The following BAG6 variants were observed in gnomAD, a reference collection of about 807,000 sequenced individuals.
BAG6 encodes the protein large proline-rich protein BAG6.
A neutral mutation model predicts 121.0 loss-of-function variants in BAG6; 22 were observed. The ratio of observed to expected loss-of-function variants is 0.18; its 90% CI spans 0.13 to 0.26. The LOEUF is 0.26. Among genes scored for constraint, BAG6 ranks in the 10% least tolerant of loss-of-function variants. BAG6 has a pLI of 1.00. For synonymous variants in BAG6, 583 were observed against 584.6 expected (o/e 1.00, Z 0.04); for missense variants, 1,233 against 1,537.7 (o/e 0.80, Z 3.31).
Position 31,644,440 on chromosome 6 carries a change from T to C in BAG6, c.1448-26A>G. On this transcript the variant is annotated intron_variant, in intron 11 of 25. Transcript: ENST00000676615. This position sits in a 1 kb window ranked among gnomAD's most constrained non-coding sequence, Gnocchi z 4.9. ...CTGGGGGGCGGGTCTGATGTAACCT[T>C]GAACCTGGACCCCTTCAACCCACCC... The C allele has an allele frequency of 6.4e-7, 1 of 1,552,716 alleles. No individual in the cohort carries two copies. Among genetic ancestry groups the C allele is most frequent in the Admixed American group, 1.9e-5 (1 of 51,592 alleles).
Position 31,645,403 on chromosome 6 carries a change from C to T in BAG6, c.1116+4G>A. On this transcript the variant is annotated splice_donor_region_variant and intron_variant, in intron 9 of 25. Transcript: ENST00000676615. ...TCCCTCAGGCCAGACTCCCCCTAAC[C>T]CACCTGTATGGGAATGGCTGCCTGC... 1 of 1,613,094 alleles carries T rather than the reference C, an allele frequency of 6.2e-7. No homozygotes were observed. Among genetic ancestry groups the T allele is most frequent in the Non-Finnish European group, 8.5e-7 (1 of 1,180,038 alleles).
chr6:31,648,576 G>T, intron 6 of BAG6, 101 bp downstream of exon 6: 1 of 1,187,892 alleles, frequency 8.4e-7, no homozygotes, highest in Non-Finnish European at 1.2e-6. Flanking sequence ...GATTATGAAG[G>T]CCAAACCCTG....
intron 16 of BAG6, 72 bp downstream of exon 16, chr6:31,642,040 C>G (rs1353365453): frequency 6.3e-7 from 1 of 1,594,280 alleles, no homozygotes; most frequent in Non-Finnish European, 8.6e-7. Flanking sequence ...TGGCAACACC[C>G]CTAAACCAAG....
intron 14 of BAG6, 146 bp downstream of exon 14, chr6:31,643,744 A>AAAAAAAAAAAAAAAAC (rs1785496696): frequency 1.7e-6 from 1 of 599,470 alleles, no homozygotes; most frequent in Admixed American, 3.5e-5. Flanking sequence ...AAAAAAAAAA[A>AAAAAAAAAAAAAAAAC]AAGCTGAAAC....
intron 6 of BAG6, 149 bp from the exon 7 acceptor site, chr6:31,647,975 CAT>C: frequency 9.6e-7 from 1 of 1,037,338 alleles, no homozygotes; most frequent in Non-Finnish European, 1.3e-6. Context: ...TAGCAACTAG[CAT>C]AAGACTGACA....
chr6:31,649,419 A>G (rs1055814879), intron 3 of BAG6, 24 bp from the exon 4 acceptor site: 2 of 1,605,938 alleles, frequency 1.2e-6, no homozygotes, highest in Non-Finnish European at 8.5e-7. Context: ...GACACACACC[A>G]AAACATAGTA....
chr6:31,639,264 C>T lies in BAG6; in HGVS notation c.3394-38G>A, dbSNP rs1779716636. On this transcript the variant is annotated intron_variant, in intron 25 of 25. Transcript: ENST00000676615. ...AGTAAGCAGGTTGGAGAAACGCTGG[C>T]CAAGTCCCCATGATCCCAGCAAGCA... is the stretch of plus-strand genomic sequence containing the variant. The T allele has an allele frequency of 1.9e-6, 3 of 1,580,418 alleles. No individual in the cohort carries two copies. In the East Asian group the frequency reaches 6.8e-5, roughly 36 times the overall value.
Position 31,649,639 on chromosome 6 carries a change from A to G in BAG6, c.109-12T>C. 1 of 1,602,706 alleles carries G rather than the reference A, an allele frequency of 6.2e-7. No homozygotes were observed. The highest frequency in any genetic ancestry group is 8.5e-7 in the Non-Finnish European group (1 of 1,169,756). On this transcript the variant is annotated splice_polypyrimidine_tract_variant and intron_variant, in intron 2 of 25. Coordinates refer to ENST00000676615, the MANE Select transcript of BAG6 (RefSeq NM_001387994.1). ...TCTTTTACATTCATCTGAAAAGAAG[A>G]GGCATGCACAGGAATGGAAAGAATG...
At chr6:31,647,529 T>G in intron 7 of BAG6, 62 bp downstream of exon 7, 1 of 1,594,562 alleles carries the variant, frequency 6.3e-7, no homozygotes. Context: ...CATGGTTCAT[T>G]TCCTTCTCCC....
Position 31,649,354 on chromosome 6 carries a change from G to A in BAG6, c.268C>T (p.Pro90Ser). ...KVIHLVERAP[P>S]QTHLPSGASS... ...GCCCCAGAAGGGAGGTGAGTCTGAGGAGGAGCCCGTTCCACCAGGTGGATA... is the reference window on the plus strand; with the variant it reads ...GCCCCAGAAGGGAGGTGAGTCTGAGAAGGAGCCCGTTCCACCAGGTGGATA... Residue 90 changes from proline to serine, a missense_variant, in exon 4 of 26, where the codon CCT (proline) becomes TCT (serine). This residue lies in a region of BAG6 where 777 missense variants were observed against 861.4 expected (regional missense o/e 0.90). Transcript: ENST00000676615. The A allele has an allele frequency of 1.9e-6, 3 of 1,611,354 alleles. No individual in the cohort carries two copies. Among genetic ancestry groups the A allele is most frequent in the Non-Finnish European group, 2.5e-6 (3 of 1,178,810 alleles).
chr6:31,640,851 T>G lies in BAG6; in HGVS notation c.2875A>C (p.Met959Leu). ...GLRLQVVLEH[M>L]PVGPDAILRY... Reference sequence around the variant, plus strand: ...AGAATGGCATCAGGGCCTACAGGCATGTGCTCCAGTACCACCTGAAGCCTC... The same window carrying G: ...AGAATGGCATCAGGGCCTACAGGCAGGTGCTCCAGTACCACCTGAAGCCTC... Residue 959 changes from methionine to leucine, a missense_variant, in exon 21 of 26, where the codon ATG becomes CTG. By Grantham distance (15) the Met-to-Leu change is conservative. Transcript: ENST00000676615. The surrounding 1 kb of genome is among the most constrained non-coding windows in gnomAD (Gnocchi z 4.2). The G allele has an allele frequency of 4.3e-6, 7 of 1,612,634 alleles. No individual in the cohort carries two copies. Among genetic ancestry groups the G allele is most frequent in the Non-Finnish European group, 5.9e-6 (7 of 1,180,002 alleles).
chr6:31,641,222 C>T lies in BAG6; in HGVS notation c.2669G>A (p.Gly890Glu). The change falls in exon 20 of 26, where the codon GGA (glycine) becomes GAA (glutamate). Residue 890 changes from glycine (G) to glutamate (E), a missense_variant. Gly to Glu is a moderately conservative substitution (Grantham distance 98). Around this residue, in one of 7 missense-constraint regions of BAG6, gnomAD observed 288 missense variants for 483.1 expected, o/e 0.60. Transcript: ENST00000676615. This position sits in a 1 kb window ranked among gnomAD's most constrained non-coding sequence, Gnocchi z 5.7. ...CAACTCCAGCAACCGGGCCCCAAATCCACTATCTGTGGGCAAAATACAAGG... is the reference window on the plus strand; with the variant it reads ...CAACTCCAGCAACCGGGCCCCAAATTCACTATCTGTGGGCAAAATACAAGG... ...AAHVLHCTDS[G>E]FGARLLELCN... The T allele has an allele frequency of 6.2e-7, 1 of 1,614,162 alleles. No individual in the cohort carries two copies. The highest frequency in any genetic ancestry group is 8.5e-7 in the Non-Finnish European group (1 of 1,180,036).
In BAG6 at chr6:31,640,503, C is replaced by G. The variant is rs1303522885; in HGVS notation, c.3020G>C (p.Gly1007Ala). 6.2e-7 allele frequency: 1 copy of G among 1,613,030 alleles called. No individual in the cohort carries two copies. The highest frequency in any genetic ancestry group is 2.2e-5 in the East Asian group (1 of 44,890). Reference protein sequence around the residue: ...PQRENASPAPGTTAEEAMSRG... With the variant: ...PQRENASPAPATTAEEAMSRG... Reference sequence around the variant, plus strand: ...GGACATGGCCTCTTCTGCTGTTGTTCCAGGGGCTGGGGAAGCATTCTCCCG... The same window carrying G: ...GGACATGGCCTCTTCTGCTGTTGTTGCAGGGGCTGGGGAAGCATTCTCCCG... Residue 1007 changes from glycine to alanine, a missense_variant, in exon 23 of 26, where the codon GGA (glycine) becomes GCA (alanine). Physicochemically the swap from Gly to Ala is moderately conservative, Grantham distance 60. Coordinates refer to ENST00000676615, the MANE Select transcript of BAG6 (RefSeq NM_001387994.1). The surrounding 1 kb of genome is among the most constrained non-coding windows in gnomAD (Gnocchi z 4.2).
rs1023727532 is a variant in BAG6, at chr6:31,640,016, G to A, written c.3246+183C>T. Reference sequence around the variant, plus strand: ...CAGGACTGCTAGCAAACAGACTAAGGTCAAGTCCTGTATGGTTATGCAACA... The same window carrying A: ...CAGGACTGCTAGCAAACAGACTAAGATCAAGTCCTGTATGGTTATGCAACA... On this transcript the variant is annotated intron_variant, in intron 24 of 25. Coordinates refer to ENST00000676615, the MANE Select transcript of BAG6 (RefSeq NM_001387994.1). This position sits in a 1 kb window ranked among gnomAD's most constrained non-coding sequence, Gnocchi z 4.2. Among the ~76,000 whole-genome samples, 5 of 152,158 alleles carry A rather than the reference G, an allele frequency of 3.3e-5. No homozygotes were observed. The highest frequency in any genetic ancestry group is 1.2e-4 in the African/African-American group (5 of 41,428).
At chr6:31,648,328 A>G (rs1045230349) in intron 6 of BAG6, among the ~76,000 whole-genome samples, 1 of 152,150 alleles carries the variant, frequency 6.6e-6, no homozygotes, top group African/African-American at 2.4e-5. Context: ...AGCATCTGTA[A>G]TATTTGTAAA....
chr6:31,646,043 T>A (rs531706761), intron 8 of BAG6, among the ~76,000 whole-genome samples: 1 of 152,298 alleles, frequency 6.6e-6, no homozygotes, highest in East Asian at 1.9e-4. Flanking sequence ...TAGAGTGCAG[T>A]AGTGCAATCT....
chr6:31,640,165 TAGAG>T lies in BAG6; in HGVS notation c.3246+30_3246+33del, dbSNP rs202172137. On this transcript the variant is annotated intron_variant, in intron 24 of 25. Transcript: ENST00000676615. This position sits in a 1 kb window ranked among gnomAD's most constrained non-coding sequence, Gnocchi z 4.2. Reference sequence around the variant, plus strand: ...TCCAGGCATGACGGGGAAACCTGGATAGAGAGAGAGGCTTAGGGAAGAGGAAAAC... The same window carrying T: ...TCCAGGCATGACGGGGAAACCTGGATAGAGAGGCTTAGGGAAGAGGAAAAC... 1.9e-6 allele frequency: 3 copies of T among 1,597,794 alleles called. No individual in the cohort carries two copies. Among genetic ancestry groups the T allele is most frequent in the Admixed American group, 3.3e-5 (2 of 59,956 alleles).
In BAG6 at chr6:31,639,587, C is replaced by G. The variant is rs761939891; in HGVS notation, c.3306G>C (p.Lys1102Asn). ...TCGTCAGGGGCCGAGCTCCGGCTGC[C>G]TTAGCTGCCCGGCTCACAGCCTCTG... ...LLSEAVSRAA[K>N]AAGARPLTSP... The change falls in exon 25 of 26, where the codon AAG (lysine) becomes AAC (asparagine). Residue 1102 changes from lysine to asparagine, a missense_variant. Physicochemically the swap from Lys to Asn is moderately conservative, Grantham distance 94. This residue lies in a region of BAG6 where 102 missense variants were observed against 103.2 expected (regional missense o/e 0.99). Transcript: ENST00000676615. 2 of 1,614,084 alleles carry G rather than the reference C, an allele frequency of 1.2e-6. No homozygotes were observed. Among genetic ancestry groups the G allele is most frequent in the East Asian group, 4.5e-5 (2 of 44,886 alleles).
In BAG6 at chr6:31,645,569, G is replaced by A. The variant is rs991860844; in HGVS notation, c.954C>T (p.Asn318=). 2 of 1,613,128 alleles carry A rather than the reference G, an allele frequency of 1.2e-6. No homozygotes were observed. Among genetic ancestry groups the A allele is most frequent in the Non-Finnish European group, 1.7e-6 (2 of 1,180,040 alleles). ...EGREEDQRLI[N]LVGESLRLLG... Reference sequence around the variant, plus strand: ...GCAGTCGCAGGCTCTCCCCTACCAAGTTGATCAACCGCTGATCCTCCTCCC... The same window carrying A: ...GCAGTCGCAGGCTCTCCCCTACCAAATTGATCAACCGCTGATCCTCCTCCC... The change falls in exon 9 of 26, where the codon AAC becomes AAT. Residue 318 remains asparagine, a synonymous_variant. Coordinates refer to ENST00000676615, the MANE Select transcript of BAG6 (RefSeq NM_001387994.1).
Sources: allele counts gnomAD v4.1 joint callset (sites outside exome capture counted in the v4.1 genomes callset), GRCh38; gene constraint gnomAD v4.1.1; regional missense constraint gnomAD v4.1.1; non-coding constraint Gnocchi (gnomAD v3.1); transcripts MANE v1.5; gene names NCBI Gene and HGNC (gene_info 2026-07-23, HGNC 2026-07-21).